The following BARD1 variants were observed in gnomAD, a reference collection of about 807,000 sequenced individuals.
BARD1 encodes the protein BRCA1-associated RING domain protein 1.
In BARD1, 73 loss-of-function variants were observed where a neutral mutation model predicts 77.0. The ratio of observed to expected loss-of-function variants is 0.95; its 90% CI spans 0.79 to 1.15. The LOEUF (loss-of-function observed/expected upper bound fraction) is 1.15, where lower values mean the gene tolerates loss of function less well. Among genes scored for constraint, BARD1 ranks in the 50% most tolerant of loss-of-function variants. The pLI, the probability that BARD1 is intolerant of heterozygous loss-of-function variation, is 0.00. For missense variants in BARD1, 993 were observed against 938.8 expected, an observed-to-expected ratio of 1.06 and a Z score of -0.75; for synonymous variants, 384 against 338.0, an observed-to-expected ratio of 1.14 and a Z score of -1.49.
At position 214,745,140 on chromosome 2, in the gene BARD1, AG is replaced by A. The variant is rs1693042024; in HGVS notation, c.1829del (p.Pro610LeufsTer9). 6.2e-7 allele frequency: 1 copy of A among 1,613,968 alleles called. No individual in the cohort carries two copies. ...TCAAGGTACTTTGAACTGCATCACC[AG>A]GAACAACAACATGAGTTACTAAAAT... ...FDSTVTHVVV[P>X]GDAVQSTLKC... is the part of the protein sequence containing the mutation. On this transcript the variant is annotated frameshift_variant, in exon 9 of 11. Transcript: ENST00000260947. LOFTEE classifies it high-confidence loss of function.
At position 214,781,334 on chromosome 2, in the gene BARD1, A is replaced by G. The variant is rs1299740017; in HGVS notation, c.540T>C (p.Tyr180=). The G allele has an allele frequency of 1.9e-6, 3 of 1,613,342 alleles. No homozygotes were observed. The African/African-American group carries it at 4.0e-5, about 22-fold the overall frequency. The part of the protein sequence containing the change: ...KKDASAQQDS[Y]EFVSPSPPAD... Reference sequence around the variant, plus strand: ...CAGGAGGACTTGGGGAAACAAATTCATATGAGTCTTGCTGAGCACTTGCAT... The same window carrying G: ...CAGGAGGACTTGGGGAAACAAATTCGTATGAGTCTTGCTGAGCACTTGCAT... Residue 180 remains tyrosine (Y), a synonymous_variant, in exon 4 of 11, where the codon TAT becomes TAC. Transcript: ENST00000260947.
At chr2:214,785,705 T>C (rs1167527009) in intron 3 of BARD1, among the ~76,000 whole-genome samples, 2 of 150,652 alleles carry the variant, frequency 1.3e-5, no homozygotes, top group African/African-American at 4.9e-5. Context: ...AAAAGGTAAT[T>C]TCAGGCCCAG....
At chr2:214,730,030 A>G (rs1278991144) in intron 10 of BARD1, among the ~76,000 whole-genome samples, 1 of 152,220 alleles carries the variant, frequency 6.6e-6, no homozygotes, top group Non-Finnish European at 1.5e-5. Context: ...CTTCTAATAT[A>G]CTTATATAAT....
chr2:214,727,316 G>C lies in BARD1; in HGVS notation c.*1360C>G, dbSNP rs1407310347. The C allele has an allele frequency of 4.3e-6, 1 of 231,638 alleles. No individual in the cohort carries two copies. Among genetic ancestry groups the C allele is most frequent in the Non-Finnish European group, 8.5e-6 (1 of 117,148 alleles). The allele number at this position is 231,638 out of a possible 1,614,324, so 14.3% of individuals were successfully genotyped here. ...TCTTAAGATGTTGATGAACTTCAGAGATTCTCACTATTTTAAAACTAGGGA... is the reference window on the plus strand; with the variant it reads ...TCTTAAGATGTTGATGAACTTCAGACATTCTCACTATTTTAAAACTAGGGA... On this transcript the variant is annotated 3_prime_UTR_variant, in exon 11 of 11. Transcript: ENST00000260947.
chr2:214,757,907 T>C (rs925708049), intron 6 of BARD1, among the ~76,000 whole-genome samples: 5 of 150,904 alleles, frequency 3.3e-5, no homozygotes, highest in Non-Finnish European at 5.9e-5. Flanking sequence ...TTAAGTGAGA[T>C]AGCACTTAGA....
intron 4 of BARD1, among the ~76,000 whole-genome samples, chr2:214,771,434 TA>T (rs907579582): frequency 7.2e-5 from 11 of 152,244 alleles, no homozygotes; most frequent in Non-Finnish European, 1.3e-4. Context: ...TTTTTCTTTT[TA>T]AAAAATTTTG....
chr2:214,781,256 T>G lies in BARD1; in HGVS notation c.618A>C (p.Gln206His). 1 of 1,595,316 alleles carries G rather than the reference T, an allele frequency of 6.3e-7. No individual in the cohort carries two copies. ...TGATTTCAGCTAAAGTTTTCTTTTT[T>G]TGCTTTTTTCCAGATCTTGCAGAAG... Reference protein sequence around the residue: ...KKASARSGKKQKKKTLAEINQ... With the variant: ...KKASARSGKKHKKKTLAEINQ... The change falls in exon 4 of 11, where the codon CAA becomes CAC. Residue 206 changes from glutamine to histidine, a missense_variant. Coordinates refer to ENST00000260947, the MANE Select transcript of BARD1 (RefSeq NM_000465.4).
chr2:214,739,747 G>A (rs1305578970), intron 9 of BARD1, among the ~76,000 whole-genome samples: 2 of 151,888 alleles, frequency 1.3e-5, no homozygotes, highest in Admixed American at 6.6e-5. Context: ...AAATACTGTC[G>A]ACAGTCATTA....
At position 214,809,642 on chromosome 2, in the gene BARD1, G is replaced by A. The variant is rs1696485803; in HGVS notation, c.-73C>T. ...AGCCTCGGGAAACCACAGGGAAGCT[G>A]CAGGCCAGCGACTCGAAACCGGCCA... On this transcript the variant is annotated 5_prime_UTR_variant, in exon 1 of 11. Transcript: ENST00000260947. The A allele has an allele frequency of 4.6e-6, 7 of 1,506,692 alleles. No homozygotes were observed. The highest frequency in any genetic ancestry group is 6.2e-6 in the Non-Finnish European group (7 of 1,123,488). 93.3% of individuals were successfully genotyped at this position (1,506,692 alleles called of 1,614,324 possible). A position where few individuals can be genotyped will look rare whatever the true frequency, so the allele number is the denominator to read the frequency against.
intron 1 of BARD1, among the ~76,000 whole-genome samples, chr2:214,800,461 C>T (rs960710452): frequency 4.6e-5 from 7 of 152,218 alleles, no homozygotes; most frequent in African/African-American, 1.7e-4. Flanking sequence ...AAGCTTGAGC[C>T]CAAGAGTTCA....
intron 1 of BARD1, among the ~76,000 whole-genome samples, chr2:214,803,728 G>A (rs1166248054): frequency 3.9e-5 from 6 of 152,204 alleles, no homozygotes; most frequent in East Asian, 1.9e-4. Flanking sequence ...TATGCTGAAC[G>A]CTGGTTCCCT....
At chr2:214,802,121 T>C (rs1349241553) in intron 1 of BARD1, among the ~76,000 whole-genome samples, 2 of 152,208 alleles carry the variant, frequency 1.3e-5, no homozygotes, top group East Asian at 3.8e-4. Flanking sequence ...CGACTCACAA[T>C]TTTTTAGCTT....
chr2:214,792,547 C>G (rs566785934), intron 2 of BARD1, 102 bp from the exon 3 acceptor site: 2 of 1,151,630 alleles, frequency 1.7e-6, no homozygotes, highest in Non-Finnish European at 2.4e-6. Context: ...AGAGGTTATT[C>G]TAACATACAA....
intron 3 of BARD1, among the ~76,000 whole-genome samples, chr2:214,781,729 G>C (rs1332215311): frequency 6.6e-6 from 1 of 151,998 alleles, no homozygotes; most frequent in Non-Finnish European, 1.5e-5. Context: ...TGAAGATATA[G>C]CAGAGAACAA....
Position 214,725,749 on chromosome 2 carries a change from A to T in BARD1, c.*2927T>A, listed in dbSNP as rs1442211377. ...AAGTTTACAATCTGTAGCTCAATCT[A>T]TCAAAGAAAATGGTGGCTTTTAGTA... is the stretch of plus-strand genomic sequence containing the variant. On this transcript the variant is annotated 3_prime_UTR_variant, in exon 11 of 11. Transcript: ENST00000260947. The T allele has an allele frequency of 8.9e-6, 2 of 224,962 alleles. No homozygotes were observed. Among genetic ancestry groups the T allele is most frequent in the Non-Finnish European group, 1.8e-5 (2 of 112,948 alleles). 13.9% of individuals were successfully genotyped at this position (224,962 alleles called of 1,614,324 possible).
At position 214,767,532 on chromosome 2, in the gene BARD1, A is replaced by G. The variant is rs2070093; in HGVS notation, c.1518T>C (p.His506=). The change falls in exon 6 of 11, where the codon CAT becomes CAC. Residue 506 remains histidine (H), a synonymous_variant. Coordinates refer to ENST00000260947, the MANE Select transcript of BARD1 (RefSeq NM_000465.4). ...SPLHDAAKNG[H]VDIVKLLLSY... is the part of the protein sequence containing the mutation. ...AAAGTAACAGCTTGACTATATCCAC[A>G]TGCCCATTCTTGGCTGCATCGTGAA... 1,294,591 of 1,612,710 alleles carry G rather than the reference A, an allele frequency of 0.8. 522,597 individuals carry two copies. Among genetic ancestry groups the G allele is most frequent in the East Asian group, 0.94 (42,227 of 44,864 alleles).
chr2:214,764,896 G>T (rs975429040), intron 6 of BARD1, among the ~76,000 whole-genome samples: 1 of 152,070 alleles, frequency 6.6e-6, no homozygotes, highest in Non-Finnish European at 1.5e-5. Context: ...GTCTGGAAAG[G>T]AAATTTTTAG....
intron 1 of BARD1, among the ~76,000 whole-genome samples, chr2:214,806,490 G>C (rs548901932): frequency 2.0e-5 from 3 of 152,214 alleles, no homozygotes; most frequent in African/African-American, 4.8e-5. Context: ...CCTTGAGTAA[G>C]GTGCAGCTGG....
At position 214,780,839 on chromosome 2, in the gene BARD1, T is replaced by C. The variant is rs1553622290; in HGVS notation, c.1035A>G (p.Gly345=). The part of the protein sequence containing the change: ...RCRTSILSTS[G]DFVKQTVPSE... ...AGGGCACCGTTTGCTTAACAAAATCTCCACTGGTGCTCAGAATGCTGGTTC... is the reference window on the plus strand; with the variant it reads ...AGGGCACCGTTTGCTTAACAAAATCCCCACTGGTGCTCAGAATGCTGGTTC... The change falls in exon 4 of 11, where the codon GGA becomes GGG. Residue 345 remains glycine (G), a synonymous_variant. Coordinates refer to ENST00000260947, the MANE Select transcript of BARD1 (RefSeq NM_000465.4). The C allele has an allele frequency of 1.9e-6, 3 of 1,614,118 alleles. No individual in the cohort carries two copies. Among genetic ancestry groups the C allele is most frequent in the Non-Finnish European group, 2.5e-6 (3 of 1,180,016 alleles).
Sources: allele counts gnomAD v4.1 joint callset (sites outside exome capture counted in the v4.1 genomes callset), GRCh38; gene constraint gnomAD v4.1.1; transcripts MANE v1.5; gene names NCBI Gene and HGNC (gene_info 2026-07-23, HGNC 2026-07-21).